PSD3: variants seen among roughly 807,000 people sequenced by gnomAD.
PSD3 encodes pleckstrin and Sec7 domain containing 3.
In PSD3, 49 loss-of-function variants were observed where a neutral mutation model predicts 105.5. That is an observed-to-expected ratio of 0.46 (90% confidence interval 0.37 to 0.59). The LOEUF is 0.59. Ranked by LOEUF, PSD3 falls within the 20% of genes least tolerant of loss-of-function variation. The probability of loss-of-function intolerance (pLI) is 0.00; values close to 1 mark genes in which losing one functional copy is unlikely to be tolerated. For missense variants in PSD3, 1,561 were observed against 1,263.8 expected, an observed-to-expected ratio of 1.24 and a Z score of -3.57; for synonymous variants, 557 against 457.8, an observed-to-expected ratio of 1.22 and a Z score of -2.77.
chr8:19,031,149 C>A (rs1406896749), intron 1 of PSD3, among the ~76,000 whole-genome samples: 1 of 152,162 alleles, frequency 6.6e-6, no homozygotes, highest in African/African-American at 2.4e-5. Flanking sequence ...TCTCTGTCTA[C>A]TGTAGGATTA....
intron 9 of PSD3, among the ~76,000 whole-genome samples, chr8:18,726,483 A>G (rs951404167): frequency 6.6e-6 from 1 of 152,232 alleles, no homozygotes; most frequent in East Asian, 1.9e-4. Flanking sequence ...TTACGTTATT[A>G]TATCAAACCC....
At chr8:18,869,173 C>A (rs1817157718) in intron 3 of PSD3, among the ~76,000 whole-genome samples, 1 of 149,348 alleles carries the variant, frequency 6.7e-6, no homozygotes, top group African/African-American at 2.5e-5. Context: ...ACACTCACTG[C>A]ACCCCACTCT....
At chr8:18,661,855 T>A (rs1253749411) in intron 9 of PSD3, among the ~76,000 whole-genome samples, 1 of 152,238 alleles carries the variant, frequency 6.6e-6, no homozygotes, top group Admixed American at 6.5e-5. Context: ...AAGCTATTTG[T>A]GTTCTCCCGT....
chr8:18,727,551 AACAC>A (rs56410753), intron 9 of PSD3, among the ~76,000 whole-genome samples: 4,574 of 137,654 alleles, frequency 0.033, 204 homozygotes, highest in African/African-American at 0.099. Context: ...AAAAAATCCA[AACAC>A]ACACACACAC....
rs371504364 is a variant in PSD3 at position 19,041,602 on chromosome 8, C to T, written c.324+42604G>A. Among the ~76,000 whole-genome samples the T allele has an allele frequency of 1.2e-4, 18 of 152,348 alleles. No homozygotes were observed. The South Asian group carries it at 3.7e-3, about 32-fold the overall frequency. ...GCTGTAACTACTGGAAATGCTACAT[C>T]TCTTGCACTTACCTGGGTTATCCAC... On this transcript the variant is annotated intron_variant, in intron 1 of 1. Transcript: ENST00000521475.
At chr8:18,897,856 T>A (rs1204815293) in intron 2 of PSD3, among the ~76,000 whole-genome samples, 1 of 152,216 alleles carries the variant, frequency 6.6e-6, no homozygotes, top group Non-Finnish European at 1.5e-5. Flanking sequence ...TGATTTTGTA[T>A]CCTGCAACTT....
intron 1 of PSD3, among the ~76,000 whole-genome samples, chr8:19,057,193 C>T (rs938315612): frequency 1.3e-5 from 2 of 152,144 alleles, no homozygotes; most frequent in Non-Finnish European, 2.9e-5. Flanking sequence ...CCCGCTGCCT[C>T]ATTTCTCTAC....
intron 1 of PSD3, among the ~76,000 whole-genome samples, chr8:18,939,422 A>G (rs913464856): frequency 2.6e-5 from 4 of 152,202 alleles, no homozygotes; most frequent in African/African-American, 9.7e-5. Flanking sequence ...CAGTTACTAC[A>G]GATATTTGGA....
chr8:18,834,400 T>C (rs1189693694), intron 4 of PSD3, among the ~76,000 whole-genome samples: 1 of 152,018 alleles, frequency 6.6e-6, no homozygotes, highest in Admixed American at 6.5e-5. Context: ...ATACAACAAA[T>C]CAAAAAATCG....
chr8:18,592,958 A>C (rs1394942517), intron 12 of PSD3, among the ~76,000 whole-genome samples: 1 of 152,210 alleles, frequency 6.6e-6, no homozygotes, highest in Non-Finnish European at 1.5e-5. Context: ...CTTACACCTT[A>C]TACAAAAATT....
chr8:18,806,011 A>C (rs1811162906), intron 4 of PSD3, among the ~76,000 whole-genome samples: 1 of 152,178 alleles, frequency 6.6e-6, no homozygotes. Context: ...ATGACAGACG[A>C]ATGTTTTTCC....
At chr8:18,899,614 G>T (rs187767032) in intron 2 of PSD3, among the ~76,000 whole-genome samples, 4 of 152,050 alleles carry the variant, frequency 2.6e-5, no homozygotes. Flanking sequence ...AGATGACTTC[G>T]ATGTCTTCAC....
At position 18,788,904 on chromosome 8, in the gene PSD3, T is replaced by C. The variant is rs1160673739; in HGVS notation, c.2082+10391A>G. ...ATGTCATGCTGCCCTCAGGTGTCCA[T>C]TCCTTTTTAAATGTATGACTGGGGG... On this transcript the variant is annotated intron_variant, in intron 8 of 15. Transcript: ENST00000327040. 7.2e-5 allele frequency among the ~76,000 whole-genome samples: 11 copies of C among 152,354 alleles called. No individual in the cohort carries two copies. The South Asian group carries it at 1.9e-3, about 26-fold the overall frequency.
Position 18,699,933 on chromosome 8 carries a change from C to T in PSD3, c.2173-44248G>A, listed in dbSNP as rs1801477827. Among the ~76,000 whole-genome samples the T allele has an allele frequency of 2.0e-5, 3 of 151,960 alleles. 1 individual carries two copies. Among genetic ancestry groups the T allele is most frequent in the South Asian group, 4.1e-4 (2 of 4,832 alleles). On this transcript the variant is annotated intron_variant, in intron 9 of 15. Transcript: ENST00000327040. Reference sequence around the variant, plus strand: ...TATATTTTCCTTTCTTTACTAAGCCCATTGGCAACTGATTAACTTTTTGAA... The same window carrying T: ...TATATTTTCCTTTCTTTACTAAGCCTATTGGCAACTGATTAACTTTTTGAA...
At chr8:18,986,144 A>G (rs1264353392) in intron 1 of PSD3, among the ~76,000 whole-genome samples, 2 of 152,184 alleles carry the variant, frequency 1.3e-5, no homozygotes, top group African/African-American at 4.8e-5. Flanking sequence ...CTTAAAAAGA[A>G]AATAATTTTG....
chr8:18,605,567 G>A (rs1434569936), intron 11 of PSD3, among the ~76,000 whole-genome samples: 1 of 152,122 alleles, frequency 6.6e-6, no homozygotes, highest in Non-Finnish European at 1.5e-5. Context: ...AAGACTTTGG[G>A]GAACGTTGGG....
chr8:18,536,107 A>C (rs768286010), intron 15 of PSD3, 149 bp from the exon 16 acceptor site: 24 of 710,754 alleles, frequency 3.4e-5, no homozygotes, highest in Non-Finnish European at 5.7e-5. Flanking sequence ...TTGGGCACTT[A>C]CTGGGCACAT....
upstream of PSD3, among the ~76,000 whole-genome samples, chr8:19,014,670 C>G (rs562644157): frequency 2.8e-4 from 42 of 152,296 alleles, no homozygotes; most frequent in African/African-American, 8.7e-4. This position sits in a 1 kb window ranked among gnomAD's most constrained non-coding sequence, Gnocchi z 4.9. Context: ...TTTCAAGTGA[C>G]AGGTAGAAGA....
chr8:18,691,463 C>T (rs774743589), intron 9 of PSD3, among the ~76,000 whole-genome samples: 2 of 152,192 alleles, frequency 1.3e-5, no homozygotes, highest in Non-Finnish European at 2.9e-5. Context: ...AGCTACAGGG[C>T]CTTCCGGAGA....
Sources: allele counts gnomAD v4.1 joint callset (sites outside exome capture counted in the v4.1 genomes callset), GRCh38; gene constraint gnomAD v4.1.1; non-coding constraint Gnocchi (gnomAD v3.1); transcripts MANE v1.5; gene names NCBI Gene and HGNC (gene_info 2026-07-23, HGNC 2026-07-21).